Variants in IL2RA observed in about 807,000 individuals in gnomAD.
The protein encoded by IL2RA is interleukin-2 receptor subunit alpha.
IL2RA carries 24 observed loss-of-function variants against 37.8 expected under a neutral mutation model. That is an observed-to-expected ratio of 0.63 (90% CI 0.46 to 0.89). IL2RA has a LOEUF of 0.89. IL2RA is among the 40% of genes least tolerant of loss of function. The pLI is 0.00. For synonymous variants in IL2RA, 125 were observed against 114.6 expected (o/e 1.09, Z -0.58); for missense variants, 319 against 348.6 (o/e 0.92, Z 0.68).
intron 1 of IL2RA, among the ~76,000 whole-genome samples, chr10:6,059,830 T>C (rs917767123): frequency 6.6e-6 from 1 of 152,224 alleles, no homozygotes; most frequent in African/African-American, 2.4e-5. Flanking sequence ...CAACGCTCCG[T>C]AGATCTTACC....
intron 6 of IL2RA, among the ~76,000 whole-genome samples, 164 bp downstream of exon 6, chr10:6,019,264 C>G (rs1839336963): frequency 6.6e-6 from 1 of 152,202 alleles, no homozygotes; most frequent in Non-Finnish European, 1.5e-5. Context: ...ACCTCCCAAC[C>G]TACGAACCAA....
At position 6,035,263 on chromosome 10, in the gene IL2RA, A is replaced by G. The variant is rs1839662326; in HGVS notation, c.65-9238T>C. Among the ~76,000 whole-genome samples, 1 of 152,210 alleles carries G rather than the reference A, an allele frequency of 6.6e-6. No homozygotes were observed. The highest frequency in any genetic ancestry group is 1.5e-5 in the Non-Finnish European group (1 of 68,022). On this transcript the variant is annotated intron_variant, in intron 1 of 7. Transcript: ENST00000379959. The surrounding 1 kb of genome is among the most constrained non-coding windows in gnomAD (Gnocchi z 5.4). ...GCCAGGGGTTCCTTGGGCCCCCGCT[A>G]GGGGACTTTCTGTTTGCCCTGGGTC...
rs1839906634 is a variant in IL2RA at position 6,048,953 on chromosome 10, A to G, written c.64+13135T>C. Among the ~76,000 whole-genome samples, 2 of 152,198 alleles carry G rather than the reference A, an allele frequency of 1.3e-5. No homozygotes were observed. Among genetic ancestry groups the G allele is most frequent in the Admixed American group, 6.5e-5 (1 of 15,278 alleles). On this transcript the variant is annotated intron_variant, in intron 1 of 7. Coordinates refer to ENST00000379959, the MANE Select transcript of IL2RA (RefSeq NM_000417.3). The surrounding 1 kb of genome is among the most constrained non-coding windows in gnomAD (Gnocchi z 5.3). ...CTCTGCGTGGCTCTTGGAGCTCACC[A>G]TGTGTTTTGTCTTGGGCCTTGGTCA...
chr10:6,024,431 T>G, intron 2 of IL2RA, 77 bp from the exon 3 acceptor site: 1 of 1,084,760 alleles, frequency 9.2e-7, no homozygotes, highest in Non-Finnish European at 1.4e-6. Flanking sequence ...ATTCATTCAC[T>G]TGAGAAGCAC....
At chr10:6,043,101 A>C (rs895657132) in intron 1 of IL2RA, among the ~76,000 whole-genome samples, 2 of 152,190 alleles carry the variant, frequency 1.3e-5, no homozygotes, top group African/African-American at 4.8e-5. Context: ...AATCAGATAC[A>C]ATCTAATTGT....
rs78196520 is a variant in IL2RA, at chr10:6,046,368, G to A, written c.64+15720C>T. ...TGTGATTTTGCTTAAGAAGGGTTCAGTAGAGACAAACAGCATCATAAAAGT... is the reference window on the plus strand; with the variant it reads ...TGTGATTTTGCTTAAGAAGGGTTCAATAGAGACAAACAGCATCATAAAAGT... On this transcript the variant is annotated intron_variant, in intron 1 of 7. Transcript: ENST00000379959. This position sits in a 1 kb window ranked among gnomAD's most constrained non-coding sequence, Gnocchi z 4.8. 5.3e-3 allele frequency among the ~76,000 whole-genome samples: 801 copies of A among 152,332 alleles called. 7 individuals are homozygous for A. The highest frequency in any genetic ancestry group is 8.9e-3 in the Non-Finnish European group (603 of 68,030).
At position 6,013,014 on chromosome 10, in the gene IL2RA, G is replaced by A. The variant is rs1839215011; in HGVS notation, c.795-118C>T. 3.1e-5 allele frequency: 30 copies of A among 964,464 alleles called. No homozygotes were observed. The East Asian group carries it at 6.8e-4, about 22-fold the overall frequency. The allele number at this position is 964,464 out of a possible 1,614,324, so 59.7% of individuals were successfully genotyped here. A position where few individuals can be genotyped will look rare whatever the true frequency, so the allele number is the denominator to read the frequency against. ...CTGGCTAATTTTTGTATTTTTAGTA[G>A]AGATGGGGTTTTGCTATGTTGGCCA... On this transcript the variant is annotated intron_variant, in intron 7 of 7. Transcript: ENST00000379959.
intron 1 of IL2RA, among the ~76,000 whole-genome samples, chr10:6,027,677 C>T (rs187864897): frequency 2.6e-5 from 4 of 152,142 alleles, no homozygotes; most frequent in African/African-American, 7.2e-5. Context: ...TGGAAAATAA[C>T]AGGTATGGAA....
chr10:6,024,773 C>T (rs1275142729), intron 2 of IL2RA, among the ~76,000 whole-genome samples: 2 of 152,196 alleles, frequency 1.3e-5, no homozygotes, highest in Middle Eastern at 3.2e-3. Context: ...CACACTGATC[C>T]TTTGCTCCCT....
chr10:6,045,927 A>T (rs1839848103), intron 1 of IL2RA, among the ~76,000 whole-genome samples: 1 of 152,196 alleles, frequency 6.6e-6, no homozygotes, highest in Non-Finnish European at 1.5e-5. Context: ...CAACCTCCAA[A>T]GTCATGATGC....
Position 6,011,253 on chromosome 10 carries a change from C to T in IL2RA, c.*1619G>A, listed in dbSNP as rs773626989. On this transcript the variant is annotated 3_prime_UTR_variant, in exon 8 of 8. Coordinates refer to ENST00000379959, the MANE Select transcript of IL2RA (RefSeq NM_000417.3). This position sits in a 1 kb window ranked among gnomAD's most constrained non-coding sequence, Gnocchi z 5.2. Reference sequence around the variant, plus strand: ...GGGAGATCTTGCACCAGATATGGAACCAGGACTTCCACCGAAATCTTAGCT... The same window carrying T: ...GGGAGATCTTGCACCAGATATGGAATCAGGACTTCCACCGAAATCTTAGCT... 6.6e-6 allele frequency: 1 copy of T among 152,286 alleles called. No individual in the cohort carries two copies. Among genetic ancestry groups the T allele is most frequent in the South Asian group, 2.1e-4 (1 of 4,824 alleles). 9.4% of individuals were successfully genotyped at this position (152,286 alleles called of 1,614,324 possible). A position where few individuals can be genotyped will look rare whatever the true frequency, so the allele number is the denominator to read the frequency against.
chr10:6,014,071 A>G lies in IL2RA; in HGVS notation c.795-1175T>C, dbSNP rs1226330585. On this transcript the variant is annotated intron_variant, in intron 7 of 7. Transcript: ENST00000379959. The surrounding 1 kb of genome is among the most constrained non-coding windows in gnomAD (Gnocchi z 4.4). ...TGGTCTCAAGCGAGCCTCTCACCTT[A>G]GTCTCCCGAAGTGCAGGAATTACAG... 1.3e-5 allele frequency among the ~76,000 whole-genome samples: 2 copies of G among 152,186 alleles called. No homozygotes were observed. The highest frequency in any genetic ancestry group is 4.8e-5 in the African/African-American group (2 of 41,538).
Position 6,047,670 on chromosome 10 carries a change from T to C in IL2RA, c.64+14418A>G, listed in dbSNP as rs755768287. ...AATAAAGTATATAAATATAAATATA[T>C]AATAAATGAAATATATAAAATACCA... is the stretch of plus-strand genomic sequence containing the variant. On this transcript the variant is annotated intron_variant, in intron 1 of 7. Transcript: ENST00000379959. The surrounding 1 kb of genome is among the most constrained non-coding windows in gnomAD (Gnocchi z 5.0). Among the ~76,000 whole-genome samples the C allele has an allele frequency of 1.3e-5, 2 of 149,840 alleles. No individual in the cohort carries two copies. The highest frequency in any genetic ancestry group is 1.3e-4 in the Admixed American group (2 of 15,000).
rs1290696120 is a variant in IL2RA at position 6,028,859 on chromosome 10, T to C, written c.65-2834A>G. On this transcript the variant is annotated intron_variant, in intron 1 of 7. Transcript: ENST00000379959. This position sits in a 1 kb window ranked among gnomAD's most constrained non-coding sequence, Gnocchi z 4.1. ...CTAAAAATACAAAAGATCAGCCGAG[T>C]GTGGCAGCGCATGTCTGTAGTCCCA... Among the ~76,000 whole-genome samples the C allele has an allele frequency of 6.6e-6, 1 of 151,690 alleles. No homozygotes were observed. The highest frequency in any genetic ancestry group is 1.5e-5 in the Non-Finnish European group (1 of 67,928).
chr10:6,057,933 C>T lies in IL2RA; in HGVS notation c.64+4155G>A, dbSNP rs1363259868. On this transcript the variant is annotated intron_variant, in intron 1 of 7. Coordinates refer to ENST00000379959, the MANE Select transcript of IL2RA (RefSeq NM_000417.3). This position sits in a 1 kb window ranked among gnomAD's most constrained non-coding sequence, Gnocchi z 4.8. The stretch of plus-strand genomic sequence containing the variant: ...CTGAGGTCAGGAGTTCGAGACCAGC[C>T]TGGCCAACTTGGTGAAACCCCGTCT... 6.6e-6 allele frequency among the ~76,000 whole-genome samples: 1 copy of T among 152,136 alleles called. No homozygotes were observed. Among genetic ancestry groups the T allele is most frequent in the East Asian group, 1.9e-4 (1 of 5,204 alleles).
intron 1 of IL2RA, among the ~76,000 whole-genome samples, chr10:6,061,332 G>A (rs917396997): frequency 1.3e-5 from 2 of 151,708 alleles, no homozygotes; most frequent in African/African-American, 4.8e-5. Context: ...GTTGCAGTAA[G>A]CCAATATCGC....
chr10:6,041,407 G>A (rs1039827439), intron 1 of IL2RA, among the ~76,000 whole-genome samples: 2 of 152,054 alleles, frequency 1.3e-5, no homozygotes, highest in African/African-American at 2.4e-5. Flanking sequence ...GAGCCACTGC[G>A]CCCGGCCAAT....
In IL2RA at chr10:6,028,972, G is replaced by T. The variant is rs115617350; in HGVS notation, c.65-2947C>A. 5.2e-3 allele frequency among the ~76,000 whole-genome samples: 743 copies of T among 144,146 alleles called. 8 individuals are homozygous for T. Among genetic ancestry groups the T allele is most frequent in the African/African-American group, 0.018 (708 of 38,694 alleles). The allele number at this position is 144,146 out of a possible 152,430, so 94.6% of individuals were successfully genotyped here. A position where few individuals can be genotyped will look rare whatever the true frequency, so the allele number is the denominator to read the frequency against. On this transcript the variant is annotated intron_variant, in intron 1 of 7. Transcript: ENST00000379959. The surrounding 1 kb of genome is among the most constrained non-coding windows in gnomAD (Gnocchi z 4.1). ...CGAGCACCCCAGCCTGGGTTACAGA[G>T]TGAGTGAGAGTCTGTCTCAAAAAAA...
rs200818520 is a variant in IL2RA, at chr10:6,019,867, C to T, written c.655+3G>A. 39 of 1,613,874 alleles carry T rather than the reference C, an allele frequency of 2.4e-5. No individual in the cohort carries two copies. Among genetic ancestry groups the T allele is most frequent in the Admixed American group, 1.8e-4 (11 of 60,002 alleles). On this transcript the variant is annotated splice_donor_region_variant and intron_variant, in intron 5 of 7. Transcript: ENST00000379959. ...GTGGTCCAGCGTTTGTCTTCTCCCG[C>T]ACCTGTTGTTGTGACGAGGCAGGAA...
Sources: allele counts gnomAD v4.1 joint callset (sites outside exome capture counted in the v4.1 genomes callset), GRCh38; gene constraint gnomAD v4.1.1; non-coding constraint Gnocchi (gnomAD v3.1); transcripts MANE v1.5; gene names NCBI Gene and HGNC (gene_info 2026-07-23, HGNC 2026-07-21).